The following QKI variants were observed in gnomAD, a reference collection of about 807,000 sequenced individuals.
QKI encodes KH domain-containing RNA-binding protein QKI.
A neutral mutation model predicts 39.0 loss-of-function variants in QKI; 10 were observed. That is an observed-to-expected ratio of 0.26 (90% CI 0.16 to 0.43). The LOEUF (loss-of-function observed/expected upper bound fraction) is 0.43, where lower values mean the gene tolerates loss of function less well. Ranked by LOEUF, QKI falls within the 20% of genes least tolerant of loss-of-function variation. The pLI is 1.00. For synonymous variants in QKI, 204 were observed against 155.4 expected, an observed-to-expected ratio of 1.31 and a Z score of -2.33; for missense variants, 218 against 428.0, an observed-to-expected ratio of 0.51 and a Z score of 4.33.
chr6:163,533,435 T>C (rs1298776684), intron 3 of QKI, among the ~76,000 whole-genome samples: 3 of 152,236 alleles, frequency 2.0e-5, no homozygotes, highest in Admixed American at 1.3e-4. Flanking sequence ...ACTATACATT[T>C]TATTTGTAAA....
At chr6:163,497,848 A>T (rs1216598758) in intron 3 of QKI, among the ~76,000 whole-genome samples, 2 of 152,100 alleles carry the variant, frequency 1.3e-5, no homozygotes, top group African/African-American at 4.8e-5. Context: ...ATGAAAACTT[A>T]CATAGTCACC....
rs1783773570 is a variant in QKI, at chr6:163,572,701, C to G, written c.*1991C>G. On this transcript the variant is annotated 3_prime_UTR_variant, in exon 8 of 8. Coordinates refer to ENST00000361752, the MANE Select transcript of QKI (RefSeq NM_006775.3). ...CCCCCCGCCCAGCTTATCAACTCGT[C>G]CCCTCTTCCACACCTTCCCAGCATC... The G allele has an allele frequency of 8.0e-6, 1 of 125,472 alleles. No homozygotes were observed. Among genetic ancestry groups the G allele is most frequent in the South Asian group, 3.1e-4 (1 of 3,202 alleles). The allele number at this position is 125,472 out of a possible 1,614,324, so 7.8% of individuals were successfully genotyped here. A position where few individuals can be genotyped will look rare whatever the true frequency, so the allele number is the denominator to read the frequency against.
At chr6:163,472,474 A>G (rs1487512848) in intron 2 of QKI, among the ~76,000 whole-genome samples, 1 of 152,178 alleles carries the variant, frequency 6.6e-6, no homozygotes, top group Non-Finnish European at 1.5e-5. Context: ...GTAGACCCAC[A>G]TAGTTCAGAC....
At chr6:163,568,890 G>GTGT (rs1208143345) in intron 7 of QKI, 1 of 985,686 alleles carries the variant, frequency 1.0e-6, no homozygotes, top group Non-Finnish European at 1.2e-6. Flanking sequence ...TGACACACCT[G>GTGT]TGTAGGAGGC....
chr6:163,557,958 C>T (rs905415018), intron 4 of QKI, among the ~76,000 whole-genome samples: 2 of 152,074 alleles, frequency 1.3e-5, no homozygotes, highest in Non-Finnish European at 2.9e-5. Flanking sequence ...TATGAGATTG[C>T]GGATAATCAC....
chr6:163,496,360 T>C (rs1778407672), intron 3 of QKI, among the ~76,000 whole-genome samples: 1 of 148,630 alleles, frequency 6.7e-6, no homozygotes, highest in African/African-American at 2.5e-5. Context: ...GAGGCAGTTA[T>C]TGTTCTAATT....
At chr6:163,441,773 GTTAC>G (rs1789778018) in intron 1 of QKI, among the ~76,000 whole-genome samples, 3 of 152,212 alleles carry the variant, frequency 2.0e-5, no homozygotes. Flanking sequence ...CAGGGAAAGA[GTTAC>G]TGCAAAACCT....
intron 1 of QKI, among the ~76,000 whole-genome samples, chr6:163,430,281 G>A (rs977422183): frequency 6.6e-6 from 1 of 152,068 alleles, no homozygotes; most frequent in African/African-American, 2.4e-5. Context: ...ATATTAATGT[G>A]GTAGATTGCT....
intron 3 of QKI, among the ~76,000 whole-genome samples, chr6:163,520,003 C>A (rs1337637668): frequency 6.6e-6 from 1 of 152,062 alleles, no homozygotes; most frequent in African/African-American, 2.4e-5. Context: ...GTAACGTACC[C>A]TTTGAAAATA....
chr6:163,430,670 G>A (rs987522804), intron 1 of QKI, among the ~76,000 whole-genome samples: 2 of 152,138 alleles, frequency 1.3e-5, no homozygotes, highest in Non-Finnish European at 2.9e-5. Context: ...GTATGGCATA[G>A]TTTTTACCAG....
At chr6:163,505,516 C>T (rs1583117822) in intron 3 of QKI, among the ~76,000 whole-genome samples, 1 of 152,214 alleles carries the variant, frequency 6.6e-6, no homozygotes, top group South Asian at 2.1e-4. Flanking sequence ...ACAACGTGTC[C>T]TGGATGTGAA....
At chr6:163,437,440 T>TA (rs1253920644) in intron 1 of QKI, among the ~76,000 whole-genome samples, 16 of 152,214 alleles carry the variant, frequency 1.1e-4, no homozygotes, top group African/African-American at 3.6e-4. Flanking sequence ...TTCCCATAGA[T>TA]ACTGGTGGTG....
rs531690300 is a variant in QKI at position 163,538,121 on chromosome 6, GTTCA to G, written c.546+3001_546+3004del. 2.3e-3 allele frequency among the ~76,000 whole-genome samples: 353 copies of G among 152,212 alleles called. 1 individual carries two copies. The highest frequency in any genetic ancestry group is 4.3e-3 in the Non-Finnish European group (290 of 68,010). On this transcript the variant is annotated intron_variant, in intron 4 of 7. Transcript: ENST00000361752. ...AGTCTTCTCACCTCTGGGCCTTGTA[GTTCA>G]TTCAACAAATGTTAATTGAATGCCT...
intron 2 of QKI, among the ~76,000 whole-genome samples, chr6:163,472,377 T>C (rs1484014415): frequency 1.3e-5 from 2 of 152,084 alleles, no homozygotes; most frequent in African/African-American, 2.4e-5. Context: ...GGTCTTACTG[T>C]CTCAAGGGTG....
chr6:163,528,619 A>G lies in QKI; in HGVS notation c.403-6363A>G, dbSNP rs115607444. ...GTTTGATAAAAGCTTAGTTGCCATC[A>G]TCATTTTCATTTTTAAGTTTGCTTA... is the stretch of plus-strand genomic sequence containing the variant. On this transcript the variant is annotated intron_variant, in intron 3 of 7. Coordinates refer to ENST00000361752, the MANE Select transcript of QKI (RefSeq NM_006775.3). 2.9e-3 allele frequency among the ~76,000 whole-genome samples: 435 copies of G among 152,286 alleles called. 2 individuals are homozygous for G. Among genetic ancestry groups the G allele is most frequent in the African/African-American group, 9.7e-3 (403 of 41,564 alleles).
intron 3 of QKI, among the ~76,000 whole-genome samples, chr6:163,514,660 A>G: frequency 6.6e-6 from 1 of 152,220 alleles, no homozygotes; most frequent in South Asian, 2.1e-4. Flanking sequence ...GTGGAAAGAA[A>G]GAGGTAGATG....
At chr6:163,560,473 A>G (rs1782924784) in intron 4 of QKI, among the ~76,000 whole-genome samples, 1 of 152,128 alleles carries the variant, frequency 6.6e-6, no homozygotes, top group Non-Finnish European at 1.5e-5. Context: ...GGAAGGTAGC[A>G]TTTAGGTTGA....
rs556193224 is a variant in QKI, at chr6:163,563,945, G to T, written c.934+226G>T. 1.9e-4 allele frequency: 268 copies of T among 1,396,800 alleles called. 2 individuals are homozygous for T. In the South Asian group the frequency reaches 3.7e-3, roughly 19 times the overall value. The allele number at this position is 1,396,800 out of a possible 1,614,324, so 86.5% of individuals were successfully genotyped here. A position where few individuals can be genotyped will look rare whatever the true frequency, so the allele number is the denominator to read the frequency against. On this transcript the variant is annotated intron_variant, in intron 6 of 7. Coordinates refer to ENST00000361752, the MANE Select transcript of QKI (RefSeq NM_006775.3). ...ACTTTGGTAACTGAGGTTCAGTTTG[G>T]TTGGGTAAATCTGTTGTGTACATTT...
At chr6:163,504,855 A>C (rs1397934798) in intron 3 of QKI, among the ~76,000 whole-genome samples, 1 of 152,060 alleles carries the variant, frequency 6.6e-6, no homozygotes, top group East Asian at 1.9e-4. Flanking sequence ...TACCTGGTTC[A>C]TCTGGGTGGG....
Sources: gnomAD v4.1 joint callset for allele counts (sites outside exome capture counted in the v4.1 genomes callset) on GRCh38, gnomAD v4.1.1 for gene constraint, MANE v1.5 for transcripts, NCBI Gene and HGNC (gene_info 2026-07-23, HGNC 2026-07-21) for gene names.